The following PFKFB3 variants were observed in gnomAD, a reference collection of about 807,000 sequenced individuals.
PFKFB3 encodes 6-phosphofructo-2-kinase/fructose-2,6-biphosphatase 3.
PFKFB3 carries 33 observed loss-of-function variants against 68.0 expected under a neutral mutation model. That is an observed-to-expected ratio of 0.49 (90% CI 0.37 to 0.65). PFKFB3 has a LOEUF of 0.65. Ranked by LOEUF, PFKFB3 falls within the 30% of genes least tolerant of loss-of-function variation. The pLI, the probability that PFKFB3 is intolerant of heterozygous loss-of-function variation, is 0.00. For missense variants in PFKFB3, 586 were observed against 712.2 expected, an observed-to-expected ratio of 0.82 and a Z score of 2.02; for synonymous variants, 315 against 288.2, an observed-to-expected ratio of 1.09 and a Z score of -0.94.
upstream of PFKFB3, among the ~76,000 whole-genome samples, chr10:6,201,859 C>T (rs1386822705): frequency 6.6e-6 from 1 of 152,176 alleles, no homozygotes; most frequent in Non-Finnish European, 1.5e-5. This position sits in a 1 kb window ranked among gnomAD's most constrained non-coding sequence, Gnocchi z 4.1. Flanking sequence ...CCAGATCTTC[C>T]CCGCACGCCT....
chr10:6,289,829 C>G, the PFKFB3 span, among the ~76,000 whole-genome samples: 1 of 151,822 alleles, frequency 6.6e-6, no homozygotes, highest in African/African-American at 2.4e-5. Flanking sequence ...ATTCTTCCTA[C>G]CCATGAGCAT....
intron 11 of PFKFB3, 68 bp downstream of exon 11, chr10:6,223,052 C>T (rs1000719132): frequency 5.3e-5 from 80 of 1,520,078 alleles, no homozygotes; most frequent in Admixed American, 1.9e-4. Flanking sequence ...GGGGGTCAGC[C>T]GCAGACCTGC....
chr10:6,285,785 AC>A, the PFKFB3 span, among the ~76,000 whole-genome samples: 1 of 152,054 alleles, frequency 6.6e-6, no homozygotes, highest in East Asian at 1.9e-4. Flanking sequence ...TATTTTAGAT[AC>A]CTCGTGTAAG....
chr10:6,217,664 C>T (rs7896450), intron 6 of PFKFB3, among the ~76,000 whole-genome samples: 44,266 of 152,090 alleles, frequency 0.29, 7,195 homozygotes, highest in African/African-American at 0.45. Context: ...TGATGCATCT[C>T]GTGAACCTGC....
chr10:6,190,346 G>A lies in PFKFB3; in HGVS notation c.17-23277G>A, dbSNP rs80110444. ...CCAGGGATGACCTACAGATTCCGTC[G>A]TTCCTTCTGTACTTATTTGTTGATA... On this transcript the variant is annotated intron_variant, in intron 1 of 14. Transcript: ENST00000379789. 2.9e-3 allele frequency among the ~76,000 whole-genome samples: 436 copies of A among 152,310 alleles called. 2 individuals are homozygous for A. In the East Asian group the frequency reaches 0.03, roughly 10 times the overall value.
At chr10:6,307,926 G>A in the PFKFB3 span, among the ~76,000 whole-genome samples, 1 of 152,260 alleles carries the variant, frequency 6.6e-6, no homozygotes, top group East Asian at 1.9e-4. Context: ...TGTCATGGGA[G>A]TGATTTTCTT....
Position 6,215,982 on chromosome 10 carries a change from G to A in PFKFB3, c.300-143G>A. On this transcript the variant is annotated intron_variant, in intron 3 of 14. Transcript: ENST00000379775. This position sits in a 1 kb window ranked among gnomAD's most constrained non-coding sequence, Gnocchi z 4.3. ...AGGTTGGAAGCCTCTGGGCCTGAGG[G>A]GTGCTGGCCAGCCTGCCCAGCGCTA... 2.5e-6 allele frequency: 2 copies of A among 806,508 alleles called. No individual in the cohort carries two copies. The highest frequency in any genetic ancestry group is 2.5e-5 in the East Asian group (1 of 39,670). The allele number at this position is 806,508 out of a possible 1,614,324, so 50.0% of individuals were successfully genotyped here.
chr10:6,216,587 CT>C (rs199856758), intron 4 of PFKFB3, 118 bp from the exon 5 acceptor site: 8,536 of 774,904 alleles, frequency 0.011, 122 homozygotes, highest in South Asian at 0.038. Flanking sequence ...ACAAGCTCCC[CT>C]GAAGCACTTT....
At chr10:6,169,591 G>A (rs1564594853) in intron 1 of PFKFB3, among the ~76,000 whole-genome samples, 1 of 152,212 alleles carries the variant, frequency 6.6e-6, no homozygotes, top group African/African-American at 2.4e-5. Context: ...TTGCTGCGCT[G>A]ATGGTGAAGG....
chr10:6,250,923 C>T (rs1846367154), intron 14 of PFKFB3, among the ~76,000 whole-genome samples: 1 of 152,218 alleles, frequency 6.6e-6, no homozygotes, highest in Admixed American at 6.5e-5. Context: ...GCCAGCGCTT[C>T]TTAACTTAGC....
At chr10:6,242,651 G>C (rs1164263934) in intron 14 of PFKFB3, among the ~76,000 whole-genome samples, 4 of 151,866 alleles carry the variant, frequency 2.6e-5, no homozygotes, top group African/African-American at 9.7e-5. Context: ...GCAATGGTGT[G>C]GTCTCAGCTC....
At chr10:6,239,814 C>G (rs1034925336), downstream of PFKFB3, among the ~76,000 whole-genome samples, 26 of 152,262 alleles carry the variant, frequency 1.7e-4, no homozygotes, top group African/African-American at 5.5e-4. Context: ...GCTGAGACTT[C>G]AGGTGTGCGC....
chr10:6,146,656 G>A (rs761901356), intron 1 of PFKFB3, among the ~76,000 whole-genome samples: 5 of 152,226 alleles, frequency 3.3e-5, no homozygotes, highest in Middle Eastern at 3.2e-3. Flanking sequence ...TCCTAAAAGG[G>A]ACAGACTTCT....
intron 1 of PFKFB3, among the ~76,000 whole-genome samples, chr10:6,166,086 T>A (rs1842129730): frequency 2.0e-5 from 3 of 151,930 alleles, no homozygotes; most frequent in Non-Finnish European, 2.9e-5. Context: ...TTCAAGCGAT[T>A]CTCCTGCTTC....
chr10:6,232,181 G>C (rs1483002926), intron 14 of PFKFB3, among the ~76,000 whole-genome samples: 1 of 152,016 alleles, frequency 6.6e-6, no homozygotes, highest in South Asian at 2.1e-4. Flanking sequence ...GGTCACGGAA[G>C]GAGGCCCGCT....
chr10:6,309,169 A>C, the PFKFB3 span, among the ~76,000 whole-genome samples: 1 of 152,220 alleles, frequency 6.6e-6, no homozygotes, highest in South Asian at 2.1e-4. Flanking sequence ...CTAAATCTAC[A>C]CATTTGTGAC....
chr10:6,227,565 G>A (rs1460666463), intron 14 of PFKFB3, among the ~76,000 whole-genome samples: 1 of 152,230 alleles, frequency 6.6e-6, no homozygotes, highest in East Asian at 1.9e-4. Flanking sequence ...CAGTGCAGAA[G>A]TCAGATCAGA....
the PFKFB3 span, among the ~76,000 whole-genome samples, chr10:6,274,309 C>G: frequency 6.6e-6 from 1 of 152,140 alleles, no homozygotes; most frequent in Non-Finnish European, 1.5e-5. Flanking sequence ...TTTGTGTGTG[C>G]TGTAGCCCCT....
chr10:6,295,160 C>T, the PFKFB3 span, among the ~76,000 whole-genome samples: 1 of 151,990 alleles, frequency 6.6e-6, no homozygotes, highest in African/African-American at 2.4e-5. Context: ...GTTTTTGTCT[C>T]CTGTGATGTC....
Sources: allele counts gnomAD v4.1 joint callset (sites outside exome capture counted in the v4.1 genomes callset), GRCh38; gene constraint gnomAD v4.1.1; non-coding constraint Gnocchi (gnomAD v3.1); transcripts MANE v1.5; gene names NCBI Gene and HGNC (gene_info 2026-07-23, HGNC 2026-07-21).